The following SGCD variants were observed in gnomAD, a reference collection of about 807,000 sequenced individuals.
The protein encoded by SGCD is sarcoglycan delta.
SGCD carries 18 observed loss-of-function variants against 36.6 expected under a neutral mutation model. The observed-to-expected ratio is 0.49, with a 90% CI of 0.34 to 0.73. SGCD has a LOEUF of 0.73. SGCD is among the 30% of genes least tolerant of loss of function. The probability of loss-of-function intolerance (pLI) is 0.01; values close to 1 mark genes in which losing one functional copy is unlikely to be tolerated. For missense variants in SGCD, 387 were observed against 346.7 expected (o/e 1.12, Z -0.92); for synonymous variants, 133 against 130.6 (o/e 1.02, Z -0.12).
chr5:156,038,150 A>G (rs1182612488), intron 1 of SGCD, among the ~76,000 whole-genome samples: 1 of 152,188 alleles, frequency 6.6e-6, no homozygotes, highest in Non-Finnish European at 1.5e-5. Context: ...ACTTCAAATC[A>G]TTAGGCCAAT....
At chr5:156,608,819 G>A (rs1292339464) in intron 6 of SGCD, among the ~76,000 whole-genome samples, 5 of 151,914 alleles carry the variant, frequency 3.3e-5, no homozygotes, top group Non-Finnish European at 5.9e-5. Flanking sequence ...TGTCTCTTTT[G>A]ATCTTTGTTG....
intron 2 of SGCD, among the ~76,000 whole-genome samples, chr5:156,335,024 A>G (rs1768272553): frequency 6.6e-6 from 1 of 152,198 alleles, no homozygotes; most frequent in South Asian, 2.1e-4. Flanking sequence ...GTCTTTGAGA[A>G]TACTCCTGAA....
intron 1 of SGCD, among the ~76,000 whole-genome samples, chr5:156,110,060 A>G (rs1021782491): frequency 1.3e-5 from 2 of 152,192 alleles, no homozygotes; most frequent in African/African-American, 4.8e-5. Flanking sequence ...GACAAAGTAT[A>G]ATATTTAAGG....
chr5:156,131,575 G>T (rs1176275561), intron 3 of SGCD, among the ~76,000 whole-genome samples: 1 of 152,140 alleles, frequency 6.6e-6, no homozygotes, highest in Non-Finnish European at 1.5e-5. Context: ...CCCTATGTGT[G>T]TCTATGTATT....
chr5:156,134,772 C>T (rs1023603354), intron 3 of SGCD, among the ~76,000 whole-genome samples: 2 of 151,934 alleles, frequency 1.3e-5, no homozygotes, highest in Admixed American at 6.6e-5. Flanking sequence ...TGCAGCACAC[C>T]AACATGGCAC....
chr5:155,892,408 T>A (rs1756153634), intron 1 of SGCD, among the ~76,000 whole-genome samples: 1 of 127,306 alleles, frequency 7.9e-6, no homozygotes, highest in Admixed American at 1.0e-4. Flanking sequence ...TGAGCCAAGA[T>A]CGCGCCACTG....
intron 1 of SGCD, among the ~76,000 whole-genome samples, chr5:155,929,153 T>C (rs758733923): frequency 4.6e-5 from 7 of 152,202 alleles, no homozygotes; most frequent in Non-Finnish European, 8.8e-5. Flanking sequence ...TTTTTTTCTG[T>C]TTTTAATTGT....
chr5:155,959,626 A>G (rs562685269), intron 1 of SGCD, among the ~76,000 whole-genome samples: 142 of 152,276 alleles, frequency 9.3e-4, no homozygotes, highest in South Asian at 2.1e-3. Context: ...CTAGAATTCA[A>G]TTAAATGCTA....
At chr5:156,211,929 A>G (rs249883) in intron 3 of SGCD, among the ~76,000 whole-genome samples, 38,748 of 152,076 alleles carry the variant, frequency 0.25, 5,486 homozygotes, top group Non-Finnish European at 0.31. Context: ...TTAATTTGTT[A>G]TCAGCTTAAA....
chr5:156,397,403 A>G (rs997982507), intron 3 of SGCD, among the ~76,000 whole-genome samples: 4 of 152,202 alleles, frequency 2.6e-5, no homozygotes, highest in South Asian at 4.1e-4. Flanking sequence ...CACAAGCTAT[A>G]CAACAACAAT....
At chr5:156,317,436 G>T (rs897415129) in intron 3 of SGCD, among the ~76,000 whole-genome samples, 8 of 152,068 alleles carry the variant, frequency 5.3e-5, no homozygotes, top group African/African-American at 1.9e-4. Context: ...CCACACTAGA[G>T]CCAAGAAATT....
At chr5:155,934,708 T>A (rs973930953) in intron 1 of SGCD, among the ~76,000 whole-genome samples, 3 of 152,240 alleles carry the variant, frequency 2.0e-5, no homozygotes, top group Non-Finnish European at 2.9e-5. Flanking sequence ...GGAAAACTCC[T>A]CACTCTATGA....
At chr5:156,235,641 GC>G (rs754994198) in intron 3 of SGCD, among the ~76,000 whole-genome samples, 3 of 152,092 alleles carry the variant, frequency 2.0e-5, no homozygotes, top group Non-Finnish European at 2.9e-5. Context: ...CCCTACAGAT[GC>G]TTTTTGGTCT....
At chr5:156,480,718 G>C (rs934317240) in intron 3 of SGCD, among the ~76,000 whole-genome samples, 1 of 152,190 alleles carries the variant, frequency 6.6e-6, no homozygotes, top group African/African-American at 2.4e-5. Flanking sequence ...TGGAGATAAT[G>C]CTGGGTGCTT....
intron 2 of SGCD, among the ~76,000 whole-genome samples, chr5:156,339,735 G>C (rs181861867): frequency 2.6e-5 from 4 of 151,860 alleles, no homozygotes; most frequent in Non-Finnish European, 4.4e-5. Context: ...AAAAACAATT[G>C]GGATAAGAAA....
intron 1 of SGCD, among the ~76,000 whole-genome samples, chr5:155,930,773 C>A (rs558410872): frequency 1.6e-4 from 24 of 152,186 alleles, no homozygotes; most frequent in Non-Finnish European, 1.6e-4. Context: ...AAATATTTTG[C>A]AATTATCAAA....
At chr5:156,015,797 AACACAC>A (rs111862726) in intron 1 of SGCD, among the ~76,000 whole-genome samples, 4 of 147,472 alleles carry the variant, frequency 2.7e-5, no homozygotes, top group African/African-American at 9.9e-5. Flanking sequence ...TGAACACACA[AACACAC>A]ACACACACAC....
chr5:156,399,352 T>C (rs1772024473), intron 3 of SGCD, among the ~76,000 whole-genome samples: 1 of 152,194 alleles, frequency 6.6e-6, no homozygotes, highest in African/African-American at 2.4e-5. Flanking sequence ...GCAGCAATAT[T>C]CTCTATAACC....
At chr5:156,458,645 A>T (rs1754356810) in intron 3 of SGCD, 5 of 621,234 alleles carry the variant, frequency 8.0e-6, no homozygotes, top group Non-Finnish European at 1.4e-5. Context: ...TCATGCAGAT[A>T]TTGTAAGAAT....
Sources: gnomAD v4.1 joint callset for allele counts (sites outside exome capture counted in the v4.1 genomes callset) on GRCh38, gnomAD v4.1.1 for gene constraint, MANE v1.5 for transcripts, NCBI Gene and HGNC (gene_info 2026-07-23, HGNC 2026-07-21) for gene names.